The following CALD1 variants were observed in gnomAD, a reference collection of about 807,000 sequenced individuals.
CALD1 encodes caldesmon.
A neutral mutation model predicts 99.9 loss-of-function variants in CALD1; 33 were observed. The observed-to-expected ratio is 0.33, with a 90% confidence interval of 0.25 to 0.44. The LOEUF (loss-of-function observed/expected upper bound fraction) is 0.44. Ranked by LOEUF, CALD1 falls within the 20% of genes least tolerant of loss-of-function variation. The probability of loss-of-function intolerance (pLI) is 1.00; values close to 1 mark genes in which losing one functional copy is unlikely to be tolerated. For synonymous variants in CALD1, 310 were observed against 325.0 expected, an observed-to-expected ratio of 0.95 and a Z score of 0.50; for missense variants, 861 against 962.1, an observed-to-expected ratio of 0.89 and a Z score of 1.39.
chr7:134,857,155 A>ATT (rs1800336835), intron 2 of CALD1, among the ~76,000 whole-genome samples: 1 of 96,140 alleles, frequency 1.0e-5, no homozygotes, highest in African/African-American at 4.4e-5. Flanking sequence ...GTTTTGCGCT[A>ATT]TTCTTTTTTT....
intron 2 of CALD1, among the ~76,000 whole-genome samples, chr7:134,855,391 T>C (rs1449467513): frequency 1.3e-5 from 2 of 152,224 alleles, no homozygotes; most frequent in African/African-American, 2.4e-5. Context: ...ATGGGAATGA[T>C]ATGTGCATTC....
At chr7:134,768,256 C>G (rs1284244651) in intron 1 of CALD1, among the ~76,000 whole-genome samples, 1 of 152,190 alleles carries the variant, frequency 6.6e-6, no homozygotes, top group Non-Finnish European at 1.5e-5. Context: ...GTCAGGTCCT[C>G]AGCCTTATTC....
intron 1 of CALD1, among the ~76,000 whole-genome samples, chr7:134,757,310 C>A (rs1796738678): frequency 6.6e-6 from 1 of 152,188 alleles, no homozygotes; most frequent in African/African-American, 2.4e-5. Context: ...GTGCAGTGCA[C>A]AGTACTGTTC....
intron 4 of CALD1, among the ~76,000 whole-genome samples, chr7:134,931,333 TA>T (rs1454398539): frequency 3.9e-5 from 6 of 152,320 alleles, no homozygotes; most frequent in Admixed American, 2.6e-4. Flanking sequence ...TGGTGCCTTT[TA>T]AAAATTATTA....
At chr7:134,902,855 AAAGTATCATGTACTCTGT>A (rs1803096837) in intron 3 of CALD1, among the ~76,000 whole-genome samples, 1 of 152,290 alleles carries the variant, frequency 6.6e-6, no homozygotes, top group Admixed American at 6.5e-5. Flanking sequence ...CTACCTTAAC[AAAGTATCATGTACTCTGT>A]GGCTTAAAAT....
At chr7:134,782,588 A>C (rs1445283787) in intron 1 of CALD1, among the ~76,000 whole-genome samples, 1 of 152,178 alleles carries the variant, frequency 6.6e-6, no homozygotes, top group Non-Finnish European at 1.5e-5. Context: ...TTTTGAGGAA[A>C]TCATCAGCTT....
In CALD1 at chr7:134,821,785, G is replaced by A. The variant is rs1334925251; in HGVS notation, c.-129-22099G>A. On this transcript the variant is annotated intron_variant, in intron 1 of 14. Transcript: ENST00000361675. ...TTTAGTAGAGATGGGGTTTCACCATGTTGGCCAACCTGGTCTCCGGTTCCT... is the reference window on the plus strand; with the variant it reads ...TTTAGTAGAGATGGGGTTTCACCATATTGGCCAACCTGGTCTCCGGTTCCT... 8.5e-5 allele frequency among the ~76,000 whole-genome samples: 13 copies of A among 152,074 alleles called. No individual in the cohort carries two copies. In the East Asian group the frequency reaches 1.9e-3, roughly 23 times the overall value.
At chr7:134,928,404 G>A (rs1450270059) in intron 3 of CALD1, among the ~76,000 whole-genome samples, 5 of 136,912 alleles carry the variant, frequency 3.7e-5, no homozygotes, top group Non-Finnish European at 6.1e-5. Flanking sequence ...ACTCCAGCCC[G>A]GGTGACAGTG....
At chr7:134,949,650 T>C (rs575861346) in intron 8 of CALD1, among the ~76,000 whole-genome samples, 12 of 152,186 alleles carry the variant, frequency 7.9e-5, no homozygotes, top group Non-Finnish European at 1.8e-4. Context: ...ACATAAGTTA[T>C]TCATTTGTCT....
At chr7:134,792,424 G>A (rs1216781166) in intron 1 of CALD1, among the ~76,000 whole-genome samples, 1 of 151,722 alleles carries the variant, frequency 6.6e-6, no homozygotes, top group East Asian at 1.9e-4. Flanking sequence ...CGAGTAGCTG[G>A]GATTACAGGT....
chr7:134,826,869 C>G (rs1342897891), intron 1 of CALD1, among the ~76,000 whole-genome samples: 3 of 152,170 alleles, frequency 2.0e-5, no homozygotes, highest in African/African-American at 7.2e-5. Context: ...AGTCCAACCT[C>G]TACCTGCTTA....
chr7:134,884,936 CTTTT>C (rs917229665), intron 3 of CALD1, among the ~76,000 whole-genome samples: 2 of 152,050 alleles, frequency 1.3e-5, no homozygotes, highest in Admixed American at 1.3e-4. Flanking sequence ...TTCTTTCTTT[CTTTT>C]ATTTATTTAT....
At chr7:134,728,285 C>T in the CALD1 span, among the ~76,000 whole-genome samples, 51 of 152,262 alleles carry the variant, frequency 3.3e-4, 1 homozygote, top group South Asian at 0.01. Flanking sequence ...AATCGGTCAG[C>T]CCCCTGAGCC....
At chr7:134,858,856 C>A (rs1800435329) in intron 2 of CALD1, among the ~76,000 whole-genome samples, 1 of 152,150 alleles carries the variant, frequency 6.6e-6, no homozygotes, top group African/African-American at 2.4e-5. Flanking sequence ...GTGTGAGCCA[C>A]CACGCCCAGC....
chr7:134,745,657 A>G (rs186456534), intron 1 of CALD1: 4 of 152,380 alleles, frequency 2.6e-5, no homozygotes, highest in Admixed American at 6.5e-5. Context: ...CTCTCACCTC[A>G]TGGACCTATC....
chr7:134,916,896 T>C (rs1462823599), intron 3 of CALD1, among the ~76,000 whole-genome samples: 1 of 152,152 alleles, frequency 6.6e-6, no homozygotes, highest in Non-Finnish European at 1.5e-5. Context: ...CTAAAAGGAG[T>C]TCATATTTTT....
upstream of CALD1, among the ~76,000 whole-genome samples, chr7:134,740,098 T>C (rs1320234110): frequency 2.6e-5 from 4 of 152,052 alleles, no homozygotes; most frequent in African/African-American, 9.7e-5. Context: ...GAAATAGGGA[T>C]ACCTCTCAAT....
intron 3 of CALD1, among the ~76,000 whole-genome samples, chr7:134,880,588 G>C (rs896958739): frequency 2.6e-5 from 4 of 152,006 alleles, no homozygotes; most frequent in Admixed American, 2.0e-4. Context: ...CAATTCTTCT[G>C]TTTCTCTCAT....
intron 1 of CALD1, among the ~76,000 whole-genome samples, chr7:134,813,415 A>G (rs768448619): frequency 6.6e-6 from 1 of 152,212 alleles, no homozygotes; most frequent in Non-Finnish European, 1.5e-5. Flanking sequence ...GATGCATAAG[A>G]GAGGTGACAA....
Sources: allele counts gnomAD v4.1 joint callset (sites outside exome capture counted in the v4.1 genomes callset), GRCh38; gene constraint gnomAD v4.1.1; transcripts MANE v1.5; gene names NCBI Gene and HGNC (gene_info 2026-07-23, HGNC 2026-07-21).